Variants in MAPK10 observed in about 807,000 individuals in gnomAD.
MAPK10 encodes the protein mitogen-activated protein kinase 10.
MAPK10 carries 25 observed loss-of-function variants against 59.3 expected under a neutral mutation model. The observed-to-expected ratio is 0.42, with a 90% confidence interval of 0.31 to 0.59. The LOEUF is 0.59. MAPK10 is among the 20% of genes least tolerant of loss of function. MAPK10 has a pLI of 0.15. For missense variants in MAPK10, 351 were observed against 568.9 expected (o/e 0.62, Z 3.90); for synonymous variants, 190 against 200.5 (o/e 0.95, Z 0.44).
intron 3 of MAPK10, among the ~76,000 whole-genome samples, chr4:86,174,042 C>T (rs754492761): frequency 6.6e-6 from 1 of 152,170 alleles, no homozygotes; most frequent in Non-Finnish European, 1.5e-5. Context: ...ATTACTTCAA[C>T]CACTGTGGAA....
intron 1 of MAPK10, among the ~76,000 whole-genome samples, chr4:86,543,152 C>T (rs1341617055): frequency 6.6e-6 from 1 of 152,130 alleles, no homozygotes; most frequent in Non-Finnish European, 1.5e-5. Context: ...GATACCTGAT[C>T]CGTCCAGGTG....
At chr4:86,265,426 T>C (rs535630471) in intron 2 of MAPK10, among the ~76,000 whole-genome samples, 16 of 151,688 alleles carry the variant, frequency 1.1e-4, no homozygotes, top group South Asian at 4.2e-4. Flanking sequence ...GGAAAATCGC[T>C]TAAACCTGGG....
At chr4:86,221,219 A>G (rs2089472419) in intron 2 of MAPK10, among the ~76,000 whole-genome samples, 1 of 152,210 alleles carries the variant, frequency 6.6e-6, no homozygotes, top group African/African-American at 2.4e-5. Flanking sequence ...GTGAGGAGGT[A>G]TAAATCCTGA....
rs985367701 is a variant in MAPK10 at position 86,502,169 on chromosome 4, C to T, written c.-263+91741G>A. Among the ~76,000 whole-genome samples, 5 of 151,568 alleles carry T rather than the reference C, an allele frequency of 3.3e-5. No homozygotes were observed. The South Asian group carries it at 1.0e-3, about 32-fold the overall frequency. On this transcript the variant is annotated intron_variant, in intron 1 of 4. Coordinates refer to the MAPK10 transcript ENST00000502302. The stretch of plus-strand genomic sequence containing the variant: ...CTACTTTTTGATCTCCATTTTTTTT[C>T]CTCCTCTAAATGTGTTGTGACTCAT...
intron 1 of MAPK10, among the ~76,000 whole-genome samples, chr4:86,536,690 T>C (rs1358102705): frequency 2.6e-5 from 4 of 152,206 alleles, no homozygotes; most frequent in Non-Finnish European, 4.4e-5. Flanking sequence ...TGCATTATAC[T>C]AATCAAAAAG....
At chr4:86,546,795 C>G (rs1004555401) in intron 1 of MAPK10, among the ~76,000 whole-genome samples, 2 of 152,084 alleles carry the variant, frequency 1.3e-5, no homozygotes. Context: ...GTGGCTCATG[C>G]CTGTTAATCC....
chr4:86,525,369 G>A (rs1465681493), intron 1 of MAPK10, among the ~76,000 whole-genome samples: 1 of 152,132 alleles, frequency 6.6e-6, no homozygotes, highest in Admixed American at 6.5e-5. Flanking sequence ...ATTTAGACTA[G>A]AGGGATGAGA....
At chr4:86,387,899 A>G (rs1023435573) in intron 1 of MAPK10, among the ~76,000 whole-genome samples, 1 of 151,922 alleles carries the variant, frequency 6.6e-6, no homozygotes, top group Non-Finnish European at 1.5e-5. Flanking sequence ...GCTTTAAGAC[A>G]GTTACTTAGA....
intron 4 of MAPK10, among the ~76,000 whole-genome samples, chr4:86,147,773 T>C (rs60337363): frequency 0.049 from 7,480 of 152,270 alleles, 616 homozygotes; most frequent in African/African-American, 0.17. Flanking sequence ...AAAATCAATT[T>C]TCATATTACT....
chr4:86,118,169 A>G (rs1166138184), intron 4 of MAPK10, among the ~76,000 whole-genome samples: 3 of 152,346 alleles, frequency 2.0e-5, no homozygotes, highest in African/African-American at 7.2e-5. Flanking sequence ...CTCAGTGATT[A>G]CTGGCAGAAG....
chr4:86,382,523 C>T (rs771972185), intron 1 of MAPK10, among the ~76,000 whole-genome samples: 2 of 152,234 alleles, frequency 1.3e-5, no homozygotes, highest in African/African-American at 2.4e-5. Flanking sequence ...AAAGCATTTG[C>T]GGATATGGGC....
intron 2 of MAPK10, among the ~76,000 whole-genome samples, chr4:86,259,639 T>A (rs1291635040): frequency 6.6e-6 from 1 of 152,112 alleles, no homozygotes; most frequent in Non-Finnish European, 1.5e-5. Context: ...TGCTTTCATA[T>A]CTTAGTGATG....
intron 1 of MAPK10, among the ~76,000 whole-genome samples, chr4:86,579,934 CT>C (rs1386307066): frequency 6.6e-6 from 1 of 152,050 alleles, no homozygotes; most frequent in Non-Finnish European, 1.5e-5. Flanking sequence ...CCACCTCAGC[CT>C]CCCAAGTAGT....
At position 86,354,530 on chromosome 4, in the gene MAPK10, C is replaced by T; in HGVS notation, c.-7G>A. ...GAATATTTTTAAATTGGCAACTCAC[C>T]ACAGCTTGTATGGTTTCTCATCTAT... On this transcript the variant is annotated splice_region_variant and 5_prime_UTR_variant, in exon 2 of 14. The change creates a premature stop within an existing upstream ORF in the 5' untranslated region. Coordinates refer to ENST00000641462, the MANE Select transcript of MAPK10 (RefSeq NM_138982.4). 1.6e-6 allele frequency: 2 copies of T among 1,217,942 alleles called. No individual in the cohort carries two copies. The highest frequency in any genetic ancestry group is 2.1e-6 in the Non-Finnish European group (2 of 975,184). 75.4% of individuals were successfully genotyped at this position (1,217,942 alleles called of 1,614,324 possible). A position where few individuals can be genotyped will look rare whatever the true frequency, so the allele number is the denominator to read the frequency against.
intron 3 of MAPK10, among the ~76,000 whole-genome samples, chr4:86,162,627 T>C (rs938033112): frequency 1.3e-5 from 2 of 152,084 alleles, no homozygotes; most frequent in Admixed American, 1.3e-4. Context: ...GGTTTTTTCC[T>C]TTCTTTTTTT....
chr4:86,347,434 C>T (rs1248834890), intron 2 of MAPK10, among the ~76,000 whole-genome samples: 1 of 152,116 alleles, frequency 6.6e-6, no homozygotes, highest in Admixed American at 6.6e-5. Context: ...CCTGATCTGG[C>T]ATCAAATTAC....
intron 11 of MAPK10, among the ~76,000 whole-genome samples, chr4:86,055,347 G>A (rs1316217362): frequency 1.8e-4 from 27 of 149,620 alleles, no homozygotes; most frequent in Admixed American, 1.7e-3. Flanking sequence ...TAAAATTTTT[G>A]TTTGATATTC....
rs1265452261 is a variant in MAPK10 at position 86,017,504 on chromosome 4, G to A, written c.1253-134C>T. The A allele has an allele frequency of 1.1e-6, 1 of 888,090 alleles. No individual in the cohort carries two copies. The highest frequency in any genetic ancestry group is 2.2e-5 in the Admixed American group (1 of 44,904). The allele number at this position is 888,090 out of a possible 1,614,324, so 55.0% of individuals were successfully genotyped here. A position where few individuals can be genotyped will look rare whatever the true frequency, so the allele number is the denominator to read the frequency against. ...CAATCATTTGGCAAGCCTTTATAGA[G>A]CAGCTGACATAGGGGAGCATATCAA... On this transcript the variant is annotated intron_variant, in intron 13 of 13. Coordinates refer to ENST00000641462, the MANE Select transcript of MAPK10 (RefSeq NM_138982.4). The surrounding 1 kb of genome is among the most constrained non-coding windows in gnomAD (Gnocchi z 4.4).
At chr4:86,244,127 T>C (rs2092926289) in intron 2 of MAPK10, among the ~76,000 whole-genome samples, 1 of 152,204 alleles carries the variant, frequency 6.6e-6, no homozygotes, top group Admixed American at 6.5e-5. Context: ...ACATCCACAG[T>C]GCTGCAAAGG....
Sources: allele counts gnomAD v4.1 joint callset (sites outside exome capture counted in the v4.1 genomes callset), GRCh38; gene constraint gnomAD v4.1.1; non-coding constraint Gnocchi (gnomAD v3.1); transcripts MANE v1.5; gene names NCBI Gene and HGNC (gene_info 2026-07-23, HGNC 2026-07-21).